MYO16: variants seen among roughly 807,000 people sequenced by gnomAD.
MYO16 encodes the protein unconventional myosin-XVI.
MYO16 carries 94 observed loss-of-function variants against 205.3 expected under a neutral mutation model. The observed-to-expected ratio is 0.46, with a 90% CI of 0.39 to 0.54. The LOEUF (loss-of-function observed/expected upper bound fraction) is 0.54, where lower values mean the gene tolerates loss of function less well. Among genes scored for constraint, MYO16 ranks in the 20% least tolerant of loss-of-function variants. The pLI, the probability that MYO16 is intolerant of heterozygous loss-of-function variation, is 0.00. For missense variants in MYO16, 2,315 were observed against 2,387.5 expected, an observed-to-expected ratio of 0.97 and a Z score of 0.63; for synonymous variants, 988 against 954.0, an observed-to-expected ratio of 1.04 and a Z score of -0.66.
At chr13:108,851,764 C>T (rs1030058464) in intron 10 of MYO16, among the ~76,000 whole-genome samples, 3 of 152,160 alleles carry the variant, frequency 2.0e-5, no homozygotes, top group African/African-American at 7.2e-5. Flanking sequence ...GGTCTCACCA[C>T]TCCCGCCTTT....
At chr13:108,841,870 A>G (rs1490901328) in intron 9 of MYO16, among the ~76,000 whole-genome samples, 1 of 152,176 alleles carries the variant, frequency 6.6e-6, no homozygotes, top group Non-Finnish European at 1.5e-5. Context: ...TAGTGGCAAT[A>G]AAACAGACAC....
At chr13:109,131,308 AC>A (rs1876521000) in intron 31 of MYO16, among the ~76,000 whole-genome samples, 1 of 152,224 alleles carries the variant, frequency 6.6e-6, no homozygotes, top group Non-Finnish European at 1.5e-5. Context: ...GGTGACCAGC[AC>A]CACGGTCACT....
At chr13:108,907,153 C>T (rs905002919) in intron 15 of MYO16, among the ~76,000 whole-genome samples, 6 of 152,040 alleles carry the variant, frequency 3.9e-5, no homozygotes, top group African/African-American at 7.2e-5. Context: ...AGAACAAAGG[C>T]AGGAATTTTT....
At chr13:108,552,085 C>T in the MYO16 span, among the ~76,000 whole-genome samples, 1 of 152,144 alleles carries the variant, frequency 6.6e-6, no homozygotes, top group African/African-American at 2.4e-5. Flanking sequence ...TATGAGGACC[C>T]TGACTGAGGT....
At chr13:109,186,513 G>A (rs1469431149) in intron 34 of MYO16, among the ~76,000 whole-genome samples, 2 of 152,072 alleles carry the variant, frequency 1.3e-5, no homozygotes, top group East Asian at 3.9e-4. Flanking sequence ...CCAATATGCA[G>A]GTCATATTGT....
chr13:109,132,587 C>T (rs921030600), intron 31 of MYO16, among the ~76,000 whole-genome samples: 2 of 152,130 alleles, frequency 1.3e-5, no homozygotes, highest in Non-Finnish European at 2.9e-5. Context: ...TGCTTCCTAT[C>T]GGTATATGAG....
intron 1 of MYO16, among the ~76,000 whole-genome samples, chr13:108,632,730 T>C (rs1880043334): frequency 6.6e-6 from 1 of 152,136 alleles, no homozygotes. Context: ...TTCATGTATC[T>C]TGGTAGCTGA....
intron 2 of MYO16, among the ~76,000 whole-genome samples, chr13:108,678,253 A>G (rs16972902): frequency 0.013 from 1,996 of 152,344 alleles, 37 homozygotes; most frequent in African/African-American, 0.046. Flanking sequence ...TTCATAAAGC[A>G]GCATTTGCAA....
At chr13:108,644,611 TTTAA>T (rs1179021207) in intron 1 of MYO16, among the ~76,000 whole-genome samples, 8 of 152,190 alleles carry the variant, frequency 5.3e-5, no homozygotes, top group Non-Finnish European at 8.8e-5. Flanking sequence ...AGCTCCAAAT[TTTAA>T]TTAACAGTCT....
chr13:109,006,116 G>A (rs191902122), intron 21 of MYO16, among the ~76,000 whole-genome samples: 1 of 152,196 alleles, frequency 6.6e-6, no homozygotes, highest in Admixed American at 6.5e-5. Flanking sequence ...AGAACATCTA[G>A]AAGGAGCTCC....
chr13:108,631,677 G>A (rs1379153208), intron 1 of MYO16, among the ~76,000 whole-genome samples: 1 of 152,192 alleles, frequency 6.6e-6, no homozygotes, highest in Non-Finnish European at 1.5e-5. Context: ...GAGAAATGGT[G>A]CGATGTGTTA....
intron 27 of MYO16, among the ~76,000 whole-genome samples, chr13:109,086,025 T>G (rs1238263695): frequency 6.6e-6 from 1 of 152,206 alleles, no homozygotes; most frequent in African/African-American, 2.4e-5. Flanking sequence ...GAAAATATGT[T>G]AAAACAAGTT....
chr13:109,118,751 G>A (rs367823172), intron 28 of MYO16, among the ~76,000 whole-genome samples: 22 of 151,706 alleles, frequency 1.5e-4, no homozygotes, highest in Middle Eastern at 6.8e-3. Context: ...TCTTCCTGTC[G>A]ACTGCCAAAA....
intron 2 of MYO16, among the ~76,000 whole-genome samples, chr13:108,691,157 G>T (rs1284069172): frequency 2.6e-5 from 4 of 152,006 alleles, no homozygotes; most frequent in Non-Finnish European, 4.4e-5. Context: ...GCAAGGCATT[G>T]CCCAAAGGTC....
chr13:108,726,375 A>G (rs1484652625), intron 3 of MYO16, among the ~76,000 whole-genome samples: 1 of 152,026 alleles, frequency 6.6e-6, no homozygotes, highest in African/African-American at 2.4e-5. Context: ...CCTGGCCAAC[A>G]TGGTGAAACC....
At chr13:109,078,001 A>G (rs1888164140) in intron 27 of MYO16, among the ~76,000 whole-genome samples, 1 of 151,988 alleles carries the variant, frequency 6.6e-6, no homozygotes, top group East Asian at 1.9e-4. Context: ...AGTAGTTTCT[A>G]TTACTATCTC....
intron 12 of MYO16, 99 bp downstream of exon 12, chr13:108,866,341 A>G (rs2139125725): frequency 4.3e-6 from 3 of 701,704 alleles, no homozygotes; most frequent in Non-Finnish European, 6.8e-6. Flanking sequence ...GCAAACTTCT[A>G]AAAAACATTT....
chr13:109,032,186 T>G (rs1886567195), intron 23 of MYO16, among the ~76,000 whole-genome samples: 2 of 152,172 alleles, frequency 1.3e-5, no homozygotes, highest in African/African-American at 4.8e-5. Context: ...AGACCCTCTC[T>G]ACTGGACTCC....
intron 27 of MYO16, among the ~76,000 whole-genome samples, chr13:109,068,113 A>T (rs1887811623): frequency 6.6e-6 from 1 of 152,192 alleles, no homozygotes. Context: ...CAATATTTTG[A>T]GAGTTGCAAT....
Sources: gnomAD v4.1 joint callset for allele counts (sites outside exome capture counted in the v4.1 genomes callset) on GRCh38, gnomAD v4.1.1 for gene constraint, MANE v1.5 for transcripts, NCBI Gene and HGNC (gene_info 2026-07-23, HGNC 2026-07-21) for gene names.